The following CRHBP variants were observed in gnomAD, a reference collection of about 807,000 sequenced individuals.
The protein encoded by CRHBP is corticotropin-releasing hormone-binding protein.
In CRHBP, 19 loss-of-function variants were observed where a neutral mutation model predicts 34.9. That is an observed-to-expected ratio of 0.55 (90% confidence interval 0.38 to 0.80). The LOEUF (loss-of-function observed/expected upper bound fraction) is 0.80, where lower values mean the gene tolerates loss of function less well. Ranked by LOEUF, CRHBP falls within the 30% of genes least tolerant of loss-of-function variation. CRHBP has a pLI of 0.00. For synonymous variants in CRHBP, 154 were observed against 153.4 expected, an observed-to-expected ratio of 1.00 and a Z score of -0.03; for missense variants, 328 against 409.2, an observed-to-expected ratio of 0.80 and a Z score of 1.71.
chr5:76,962,558 C>T (rs1396794366), intron 5 of CRHBP, among the ~76,000 whole-genome samples: 1 of 151,154 alleles, frequency 6.6e-6, no homozygotes, highest in Non-Finnish European at 1.5e-5. Context: ...GCAGGAGGAT[C>T]CCTTGAGGTT....
At chr5:76,972,111 G>A (rs1745956085), downstream of CRHBP, among the ~76,000 whole-genome samples, 1 of 151,954 alleles carries the variant, frequency 6.6e-6, no homozygotes, top group African/African-American at 2.4e-5. Context: ...ACAGCTAACT[G>A]CAGCCTCAAC....
At chr5:76,979,835 A>C (rs1266688318) in intron 3 of CRHBP, among the ~76,000 whole-genome samples, 2 of 152,166 alleles carry the variant, frequency 1.3e-5, no homozygotes, top group African/African-American at 4.8e-5. Context: ...TAATATCTTC[A>C]AGGTATGCCT....
At chr5:76,963,517 C>T in intron 6 of CRHBP, 57 bp downstream of exon 6, 2 of 1,449,620 alleles carry the variant, frequency 1.4e-6, no homozygotes, top group Non-Finnish European at 9.6e-7. Context: ...AAAAAATAAG[C>T]ACTCCCCTAA....
chr5:76,980,126 G>T (rs887563203), intron 3 of CRHBP, among the ~76,000 whole-genome samples: 72 of 151,806 alleles, frequency 4.7e-4, no homozygotes, highest in Non-Finnish European at 8.1e-4. Context: ...GTGGTGGCGG[G>T]CGCCTGTAGT....
At position 76,955,833 on chromosome 5, in the gene CRHBP, T is replaced by C; in HGVS notation, c.514T>C (p.Leu172=). ...CCATGAACCAGGAAATGGATTCACA[T>C]TAACCATAAAGACAGACCCCAACCT... ...RVHEPGNGFT[L]TIKTDPNLFP... is the part of the protein sequence containing the mutation. Residue 172 remains leucine, a synonymous_variant, in exon 4 of 7, where the codon TTA becomes CTA. Transcript: ENST00000274368. 6.2e-7 allele frequency: 1 copy of C among 1,614,170 alleles called. No individual in the cohort carries two copies. The highest frequency in any genetic ancestry group is 8.5e-7 in the Non-Finnish European group (1 of 1,180,028).
chr5:76,976,831 T>A (rs1246914695), intron 3 of CRHBP, among the ~76,000 whole-genome samples: 1 of 152,178 alleles, frequency 6.6e-6, no homozygotes. Context: ...AAAGAGAAAA[T>A]AGCTTGTTTT....
At chr5:76,975,383 CTAGT>C (rs1453962806) in intron 2 of CRHBP, among the ~76,000 whole-genome samples, 1 of 152,088 alleles carries the variant, frequency 6.6e-6, no homozygotes, top group African/African-American at 2.4e-5. Context: ...ATAGTGGTAA[CTAGT>C]TAATGAACTA....
chr5:76,953,140 G>T lies in CRHBP; in HGVS notation c.6G>T (p.Ser2=), dbSNP rs1177334022. 3 of 1,614,186 alleles carry T rather than the reference G, an allele frequency of 1.9e-6. No homozygotes were observed. The highest frequency in any genetic ancestry group is 2.5e-6 in the Non-Finnish European group (3 of 1,180,024). Residue 2 remains serine, a synonymous_variant, in exon 1 of 7, where the codon TCG becomes TCT. Coordinates refer to ENST00000274368, the MANE Select transcript of CRHBP (RefSeq NM_001882.4). M[S]PNFKLQCHFI... ...GCTGCAGAGGCAAGGCCAGCATGTC[G>T]CCCAACTTCAAACTTCAGTGTCACT...
At chr5:76,972,873 C>T (rs151180146), downstream of CRHBP, among the ~76,000 whole-genome samples, 17 of 152,322 alleles carry the variant, frequency 1.1e-4, no homozygotes, top group African/African-American at 4.1e-4. Flanking sequence ...GGCTTGGTCA[C>T]GTGACTGAAT....
chr5:76,963,387 G>T lies in CRHBP; in HGVS notation c.738G>T (p.Leu246=). 1 of 1,614,156 alleles carries T rather than the reference G, an allele frequency of 6.2e-7. No individual in the cohort carries two copies. Residue 246 remains leucine (L), a synonymous_variant, in exon 6 of 7, where the codon CTG becomes CTT. Coordinates refer to ENST00000274368, the MANE Select transcript of CRHBP (RefSeq NM_001882.4). ...AGGGAATAGGAGACTTTGTGGAGCT[G>T]CTGGGAGGAACTGGATTGGACCCTT... ...GCEGIGDFVE[L]LGGTGLDPSK...
intron 6 of CRHBP, among the ~76,000 whole-genome samples, chr5:76,963,694 G>T (rs1362245710): frequency 6.6e-6 from 1 of 152,096 alleles, no homozygotes; most frequent in Non-Finnish European, 1.5e-5. Flanking sequence ...GTAAAACTAT[G>T]AAAAAGACAA....
chr5:76,975,186 A>C (rs76449482), intron 2 of CRHBP, among the ~76,000 whole-genome samples: 3,682 of 152,322 alleles, frequency 0.024, 144 homozygotes, highest in African/African-American at 0.082. Flanking sequence ...GTTCAGATGT[A>C]ATCAAGCCAG....
At chr5:76,977,458 T>A (rs1351367383) in intron 3 of CRHBP, among the ~76,000 whole-genome samples, 1 of 152,216 alleles carries the variant, frequency 6.6e-6, no homozygotes, top group Non-Finnish European at 1.5e-5. Context: ...TATTTCAAGC[T>A]TTTTCATTAT....
At chr5:76,955,594 A>C in intron 3 of CRHBP, 59 bp from the exon 4 acceptor site, 2 of 1,517,088 alleles carry the variant, frequency 1.3e-6, no homozygotes, top group South Asian at 2.4e-5. Context: ...TTTTCAACTC[A>C]TTTCAGACTT....
chr5:76,954,283 G>C (rs1213860801), intron 3 of CRHBP, 97 bp downstream of exon 3: 7 of 1,408,930 alleles, frequency 5.0e-6, no homozygotes, highest in Non-Finnish European at 6.7e-6. Context: ...GCTGAGCGTA[G>C]GTAGCCAGTG....
downstream of CRHBP, among the ~76,000 whole-genome samples, chr5:76,973,862 G>A (rs1437212633): frequency 6.6e-6 from 1 of 151,790 alleles, no homozygotes; most frequent in Non-Finnish European, 1.5e-5. Flanking sequence ...TGGAGTGTAG[G>A]GCGCGATCTC....
At chr5:76,958,995 G>A (rs982316447) in intron 5 of CRHBP, 106 bp downstream of exon 5, 7 of 1,191,144 alleles carry the variant, frequency 5.9e-6, no homozygotes, top group South Asian at 1.7e-5. Context: ...GGCGTAGTAC[G>A]TTGCTCTGAT....
downstream of CRHBP, chr5:76,969,541 T>C (rs1341669020): frequency 1.3e-5 from 2 of 152,542 alleles, no homozygotes; most frequent in Admixed American, 1.3e-4. Context: ...AATGTTATCA[T>C]GTGGTGCAGA....
chr5:76,974,653 T>C (rs1271470076), intron 2 of CRHBP, among the ~76,000 whole-genome samples: 1 of 152,200 alleles, frequency 6.6e-6, no homozygotes, highest in African/African-American at 2.4e-5. Flanking sequence ...CACTTTTATC[T>C]GTGCAGTGAA....
Sources: allele counts gnomAD v4.1 joint callset (sites outside exome capture counted in the v4.1 genomes callset), GRCh38; gene constraint gnomAD v4.1.1; transcripts MANE v1.5; gene names NCBI Gene and HGNC (gene_info 2026-07-23, HGNC 2026-07-21).